Variants in RBFOX1 observed in about 807,000 individuals in gnomAD.
RBFOX1 encodes the protein RNA binding protein fox-1 homolog 1.
In RBFOX1, 8 loss-of-function variants were observed where a neutral mutation model predicts 57.7. The observed-to-expected ratio is 0.14, with a 90% CI of 0.08 to 0.25. RBFOX1 has a LOEUF of 0.25. Ranked by LOEUF, RBFOX1 falls within the 10% of genes least tolerant of loss-of-function variation. RBFOX1 has a pLI of 1.00. For missense variants in RBFOX1, 611 were observed against 548.5 expected, an observed-to-expected ratio of 1.11 and a Z score of -1.14; for synonymous variants, 326 against 222.4, an observed-to-expected ratio of 1.47 and a Z score of -4.15.
chr16:6,756,405 G>T (rs566925869), intron 3 of RBFOX1, among the ~76,000 whole-genome samples: 1 of 152,196 alleles, frequency 6.6e-6, no homozygotes, highest in East Asian at 1.9e-4. Context: ...CACTGGCCTA[G>T]GCAAAGATTT....
At chr16:7,508,871 C>T (rs1024410936) in intron 4 of RBFOX1, among the ~76,000 whole-genome samples, 22 of 152,274 alleles carry the variant, frequency 1.4e-4, no homozygotes, top group African/African-American at 5.3e-4. Flanking sequence ...TCTCTCTTTC[C>T]ATAGCAAGGA....
intron 1 of RBFOX1, among the ~76,000 whole-genome samples, chr16:5,415,624 A>C (rs78869389): frequency 1.3e-5 from 2 of 152,208 alleles, no homozygotes; most frequent in Admixed American, 1.3e-4. Context: ...AGAATTTAAT[A>C]CCACTGTTTG....
At chr16:6,361,135 A>C (rs953182711) in intron 2 of RBFOX1, among the ~76,000 whole-genome samples, 1 of 152,148 alleles carries the variant, frequency 6.6e-6, no homozygotes, top group Non-Finnish European at 1.5e-5. Context: ...ATATGGGCAA[A>C]GTAACGAATG....
chr16:7,422,037 C>G (rs1422183179), intron 4 of RBFOX1, among the ~76,000 whole-genome samples: 1 of 152,138 alleles, frequency 6.6e-6, no homozygotes, highest in Non-Finnish European at 1.5e-5. Flanking sequence ...GAAACACAGT[C>G]TCAGTTATTA....
chr16:6,662,921 T>C (rs1486062915), intron 3 of RBFOX1, among the ~76,000 whole-genome samples: 1 of 152,188 alleles, frequency 6.6e-6, no homozygotes, highest in Non-Finnish European at 1.5e-5. Context: ...AGAAACAATT[T>C]AAAGAAAAGC....
rs542992693 is a variant in RBFOX1 at position 7,466,147 on chromosome 16, G to C, written c.28-52000G>C. Among the ~76,000 whole-genome samples the C allele has an allele frequency of 2.0e-5, 3 of 152,240 alleles. No individual in the cohort carries two copies. In the East Asian group the frequency reaches 5.8e-4, roughly 29 times the overall value. On this transcript the variant is annotated intron_variant, in intron 4 of 15. Transcript: ENST00000550418. The stretch of plus-strand genomic sequence containing the variant: ...TTAGGCAACAGTGAACACCATCTGG[G>C]TCAGCAATAGGATTCAACTGCCAAA...
chr16:6,772,946 C>G (rs564324180), intron 3 of RBFOX1, among the ~76,000 whole-genome samples: 1 of 78,844 alleles, frequency 1.3e-5, no homozygotes, highest in African/African-American at 5.4e-5. Flanking sequence ...GTGTGTGTAT[C>G]TATATATTTG....
intron 1 of RBFOX1, among the ~76,000 whole-genome samples, chr16:5,419,492 C>A (rs1347843811): frequency 6.6e-6 from 1 of 152,000 alleles, no homozygotes; most frequent in African/African-American, 2.4e-5. Context: ...CTGCCTTTCC[C>A]AGTCCACTGG....
Position 6,191,561 on chromosome 16 carries a change from G to C in RBFOX1, c.-126-125434G>C, listed in dbSNP as rs931888664. On this transcript the variant is annotated intron_variant, in intron 1 of 15. Coordinates refer to ENST00000550418, the MANE Select transcript of RBFOX1 (RefSeq NM_018723.4). Reference sequence around the variant, plus strand: ...ACCACTGAATGCATTCTTTATTGGAGAGAAAAAAAGTTAGCACCGTATAGA... The same window carrying C: ...ACCACTGAATGCATTCTTTATTGGACAGAAAAAAAGTTAGCACCGTATAGA... Among the ~76,000 whole-genome samples the C allele has an allele frequency of 6.6e-5, 10 of 152,076 alleles. No homozygotes were observed. The East Asian group carries it at 7.7e-4, about 12-fold the overall frequency.
intron 11 of RBFOX1, among the ~76,000 whole-genome samples, chr16:7,642,324 T>G (rs903246624): frequency 1.3e-5 from 2 of 152,162 alleles, no homozygotes; most frequent in Non-Finnish European, 2.9e-5. Context: ...ACTCTTTTTT[T>G]TAAGTCTGAA....
At chr16:6,093,337 G>T (rs191169474) in intron 1 of RBFOX1, among the ~76,000 whole-genome samples, 1 of 152,040 alleles carries the variant, frequency 6.6e-6, no homozygotes, top group African/African-American at 2.4e-5. Flanking sequence ...TACTTGGAAG[G>T]TTGAGGTGGG....
At chr16:5,641,693 G>A (rs775399639) in intron 3 of RBFOX1, among the ~76,000 whole-genome samples, 1 of 152,230 alleles carries the variant, frequency 6.6e-6, no homozygotes, top group African/African-American at 2.4e-5. Flanking sequence ...AAGGCCTGGA[G>A]GCGGGGGCAT....
intron 5 of RBFOX1, among the ~76,000 whole-genome samples, chr16:7,527,905 C>T (rs952121863): frequency 9.2e-5 from 14 of 152,114 alleles, no homozygotes; most frequent in Admixed American, 6.6e-4. Flanking sequence ...TGAAATTTCC[C>T]GTTTCAAGTG....
intron 2 of RBFOX1, among the ~76,000 whole-genome samples, chr16:6,363,811 C>T (rs1005097058): frequency 1.3e-5 from 2 of 152,104 alleles, no homozygotes; most frequent in African/African-American, 4.8e-5. Flanking sequence ...CCTCTTGTTA[C>T]TTTTTAATGA....
At chr16:5,702,852 C>G (rs2051101489) in intron 3 of RBFOX1, among the ~76,000 whole-genome samples, 1 of 152,144 alleles carries the variant, frequency 6.6e-6, no homozygotes, top group South Asian at 2.1e-4. Flanking sequence ...ATAACACCCT[C>G]TATGCCCATA....
At chr16:7,235,120 A>G (rs536179391) in intron 4 of RBFOX1, among the ~76,000 whole-genome samples, 5 of 152,330 alleles carry the variant, frequency 3.3e-5, no homozygotes, top group African/African-American at 1.2e-4. Flanking sequence ...AGGTATATAA[A>G]TCTACACATC....
chr16:6,382,373 G>C (rs931523240), intron 2 of RBFOX1, among the ~76,000 whole-genome samples: 3 of 152,186 alleles, frequency 2.0e-5, no homozygotes, highest in Admixed American at 1.3e-4. Flanking sequence ...TTGTGTTTTT[G>C]TGCTTGCTTT....
chr16:6,620,136 T>C (rs1309468381), intron 2 of RBFOX1, among the ~76,000 whole-genome samples: 1 of 152,126 alleles, frequency 6.6e-6, no homozygotes, highest in East Asian at 1.9e-4. Flanking sequence ...TAAACTGAAA[T>C]CATAACAAAC....
At chr16:6,841,558 A>C (rs2093463956) in intron 3 of RBFOX1, among the ~76,000 whole-genome samples, 1 of 152,182 alleles carries the variant, frequency 6.6e-6, no homozygotes, top group Admixed American at 6.5e-5. Flanking sequence ...GTATTACCAC[A>C]GGCCCTTTCT....
Sources: gnomAD v4.1 joint callset for allele counts (sites outside exome capture counted in the v4.1 genomes callset) on GRCh38, gnomAD v4.1.1 for gene constraint, MANE v1.5 for transcripts, NCBI Gene and HGNC (gene_info 2026-07-23, HGNC 2026-07-21) for gene names.